Variants in ATAD2 observed in about 807,000 individuals in gnomAD.
ATAD2 encodes ATPase family AAA domain-containing protein 2.
ATAD2 carries 62 observed loss-of-function variants against 168.9 expected under a neutral mutation model. That is an observed-to-expected ratio of 0.37 (90% CI 0.30 to 0.45). ATAD2 has a LOEUF of 0.45. ATAD2 is among the 20% of genes least tolerant of loss of function. The probability of loss-of-function intolerance (pLI) is 1.00; values close to 1 mark genes in which losing one functional copy is unlikely to be tolerated. For synonymous variants in ATAD2, 613 were observed against 571.6 expected, an observed-to-expected ratio of 1.07 and a Z score of -1.03; for missense variants, 1,419 against 1,667.8, an observed-to-expected ratio of 0.85 and a Z score of 2.60.
At chr8:123,364,260 C>CT (rs1283161268) in intron 8 of ATAD2, among the ~76,000 whole-genome samples, 1 of 152,078 alleles carries the variant, frequency 6.6e-6, no homozygotes, top group Non-Finnish European at 1.5e-5. Flanking sequence ...CCAAAGGCCG[C>CT]TAATAACTAG....
intron 24 of ATAD2, among the ~76,000 whole-genome samples, chr8:123,332,983 T>C (rs922290311): frequency 1.9e-4 from 29 of 151,924 alleles, no homozygotes. Flanking sequence ...TTATTCTTTA[T>C]CTATCTCAAA....
intron 13 of ATAD2, among the ~76,000 whole-genome samples, chr8:123,351,461 C>T (rs1828457809): frequency 6.6e-6 from 1 of 151,924 alleles, no homozygotes; most frequent in Non-Finnish European, 1.5e-5. Context: ...AGGGGGATGG[C>T]ATCATCCCTG....
intron 19 of ATAD2, 128 bp from the exon 20 acceptor site, chr8:123,339,574 C>A: frequency 1.2e-6 from 1 of 853,710 alleles, no homozygotes; most frequent in Non-Finnish European, 1.8e-6. Context: ...TGTCCCTCCA[C>A]TTAACAATCG....
chr8:123,373,543 C>A (rs569810867), intron 2 of ATAD2, among the ~76,000 whole-genome samples: 2 of 152,194 alleles, frequency 1.3e-5, no homozygotes, highest in Admixed American at 1.3e-4. Flanking sequence ...AATCTCAGCA[C>A]TTTGGGAGGT....
intron 24 of ATAD2, among the ~76,000 whole-genome samples, chr8:123,329,706 C>T (rs142963007): frequency 1.1e-3 from 131 of 122,908 alleles, no homozygotes; most frequent in African/African-American, 4.1e-3. Flanking sequence ...GAATCGAGAT[C>T]ATGCCACTGC....
In ATAD2 at chr8:123,346,169, A is replaced by G. The variant is rs1251267654; in HGVS notation, c.2449T>C (p.Leu817=). The G allele has an allele frequency of 6.2e-7, 1 of 1,613,396 alleles. No homozygotes were observed. Among genetic ancestry groups the G allele is most frequent in the East Asian group, 2.2e-5 (1 of 44,806 alleles). ...SHLAPAVIHA[L]EKFTVYTLDI... ...AATGTATATACAGTAAACTTTTCCA[A>G]AGCATGAATGACAGCTGGTGCCAAG... The change falls in exon 18 of 28, where the codon TTG becomes CTG. Residue 817 remains leucine (L), a synonymous_variant. Transcript: ENST00000287394.
At chr8:123,359,893 A>T (rs1406642706) in intron 9 of ATAD2, among the ~76,000 whole-genome samples, 2 of 152,216 alleles carry the variant, frequency 1.3e-5, no homozygotes, top group Non-Finnish European at 2.9e-5. Context: ...CTTTATTATG[A>T]AATTAAAGAC....
Position 123,356,476 on chromosome 8 carries a change from G to A in ATAD2, c.1559C>T (p.Ala520Val). The change falls in exon 13 of 28, where the codon GCC becomes GTC. Residue 520 changes from alanine to valine, a missense_variant and splice_region_variant. This residue lies in a region of ATAD2 where 545 missense variants were observed against 724.9 expected (regional missense o/e 0.75). Transcript: ENST00000287394. ...ERQLRLLFDQAYQMRPSIIFF... is the reference protein window; with the variant it reads ...ERQLRLLFDQVYQMRPSIIFF... Reference sequence around the variant, plus strand: ...AATAATTGATGGGCGCATCTGATAGGCCTAGAAAGTAGGTGGAGTGGTCAT... The same window carrying A: ...AATAATTGATGGGCGCATCTGATAGACCTAGAAAGTAGGTGGAGTGGTCAT... The A allele has an allele frequency of 6.2e-7, 1 of 1,609,806 alleles. No homozygotes were observed. Among genetic ancestry groups the A allele is most frequent in the Non-Finnish European group, 8.5e-7 (1 of 1,177,448 alleles).
At chr8:123,414,454 T>C (rs756270753) in intron 1 of ATAD2, among the ~76,000 whole-genome samples, 7 of 152,172 alleles carry the variant, frequency 4.6e-5, no homozygotes, top group Non-Finnish European at 8.8e-5. Context: ...GGAAGTTAAA[T>C]GTAAAGAACT....
At chr8:123,410,793 A>T (rs890231452) in intron 1 of ATAD2, among the ~76,000 whole-genome samples, 7 of 150,888 alleles carry the variant, frequency 4.6e-5, no homozygotes, top group Non-Finnish European at 1.5e-5. Context: ...GCCGTGGCAG[A>T]CCCGCCACTG....
At chr8:123,343,671 T>C (rs1353732485) in intron 19 of ATAD2, among the ~76,000 whole-genome samples, 1 of 152,220 alleles carries the variant, frequency 6.6e-6, no homozygotes, top group Non-Finnish European at 1.5e-5. Context: ...ATGTGCTCTA[T>C]GGACACAAAG....
At chr8:123,326,516 A>AT (rs2131276848) in intron 25 of ATAD2, among the ~76,000 whole-genome samples, 2 of 152,188 alleles carry the variant, frequency 1.3e-5, no homozygotes, top group South Asian at 4.2e-4. Context: ...TAAAAAAAAA[A>AT]AAGAAAAAAA....
chr8:123,348,174 A>G lies in ATAD2; in HGVS notation c.1897+9T>C, dbSNP rs1828315774. 6.4e-7 allele frequency: 1 copy of G among 1,558,874 alleles called. No homozygotes were observed. The highest frequency in any genetic ancestry group is 8.7e-7 in the Non-Finnish European group (1 of 1,150,314). On this transcript the variant is annotated intron_variant, in intron 15 of 27. Transcript: ENST00000287394. ...AGTATTTATTTTAACTGCTTAAAAC[A>G]ATGTTTACCAACACAGTTTTCTGCT...
intron 1 of ATAD2, among the ~76,000 whole-genome samples, chr8:123,415,945 G>C (rs1457873148): frequency 6.6e-6 from 1 of 151,788 alleles, no homozygotes; most frequent in Non-Finnish European, 1.5e-5. Flanking sequence ...GCCAGTAATT[G>C]AACAAAATAT....
intron 1 of ATAD2, among the ~76,000 whole-genome samples, chr8:123,409,931 T>C: frequency 1.0e-5 from 1 of 98,826 alleles, no homozygotes; most frequent in African/African-American, 3.9e-5. Flanking sequence ...AGAGTGAGAC[T>C]CCATCTCGGA....
chr8:123,327,030 T>C (rs1412600987), intron 25 of ATAD2, among the ~76,000 whole-genome samples: 1 of 152,096 alleles, frequency 6.6e-6, no homozygotes, highest in African/African-American at 2.4e-5. Flanking sequence ...TGCCTCAGCC[T>C]CCAGAGCAGT....
rs78548009 is a variant in ATAD2 at position 123,345,062 on chromosome 8, C to G, written c.2540G>C (p.Arg847Pro). The stretch of plus-strand genomic sequence containing the variant: ...ACTTGGTGCTGTTCTCTTAGCTTCA[C>G]GAATCACCTAGTAGAGAGAGAACAA... ...SPEETCAQVI[R>P]EAKRTAPSIV... is the part of the protein sequence containing the mutation. Residue 847 changes from arginine (R) to proline (P), a missense_variant, in exon 19 of 28, where the codon CGT becomes CCT. Around this residue, in one of 5 missense-constraint regions of ATAD2, gnomAD observed 545 missense variants for 724.9 expected, o/e 0.75. Coordinates refer to ENST00000287394, the MANE Select transcript of ATAD2 (RefSeq NM_014109.4). The G allele has an allele frequency of 6.2e-7, 1 of 1,606,166 alleles. No individual in the cohort carries two copies. Among genetic ancestry groups the G allele is most frequent in the Non-Finnish European group, 8.5e-7 (1 of 1,174,384 alleles).
rs189674410 is a variant in ATAD2, at chr8:123,333,335, G to A, written c.3478+543C>T. ...TGAGGCAGGAGAATGGCATGAACCC[G>A]GGACGCAGCGGTTGCAGTGAGCCGA... On this transcript the variant is annotated intron_variant, in intron 24 of 27. Transcript: ENST00000287394. 5.6e-4 allele frequency among the ~76,000 whole-genome samples: 78 copies of A among 139,620 alleles called. 1 individual carries two copies. The East Asian group carries it at 0.012, about 22-fold the overall frequency. 91.6% of individuals were successfully genotyped at this position (139,620 alleles called of 152,430 possible). A position where few individuals can be genotyped will look rare whatever the true frequency, so the allele number is the denominator to read the frequency against.
intron 19 of ATAD2, among the ~76,000 whole-genome samples, chr8:123,343,497 C>T (rs1828130640): frequency 1.3e-5 from 2 of 152,128 alleles, no homozygotes; most frequent in Non-Finnish European, 2.9e-5. Flanking sequence ...GTGCCTAGAA[C>T]CACACCTGGG....
Sources: gnomAD v4.1 joint callset for allele counts (sites outside exome capture counted in the v4.1 genomes callset) on GRCh38, gnomAD v4.1.1 for gene constraint, gnomAD v4.1.1 regional missense constraint, MANE v1.5 for transcripts, NCBI Gene and HGNC (gene_info 2026-07-23, HGNC 2026-07-21) for gene names.